Variants in MTCL1 observed in about 807,000 individuals in gnomAD.
MTCL1 encodes the protein microtubule cross-linking factor 1.
MTCL1 carries 79 observed loss-of-function variants against 141.4 expected under a neutral mutation model. The ratio of observed to expected loss-of-function variants is 0.56; its 90% CI spans 0.47 to 0.67. The LOEUF is 0.67. Ranked by LOEUF, MTCL1 falls within the 30% of genes least tolerant of loss-of-function variation. The pLI is 0.00. For synonymous variants in MTCL1, 914 were observed against 875.8 expected, an observed-to-expected ratio of 1.04 and a Z score of -0.77; for missense variants, 2,177 against 2,113.9, an observed-to-expected ratio of 1.03 and a Z score of -0.59.
rs375523319 is a variant in MTCL1, at chr18:8,819,065, C to T, written c.2962C>T (p.Arg988Cys). 62 of 1,614,146 alleles carry T rather than the reference C, an allele frequency of 3.8e-5. No homozygotes were observed. Among genetic ancestry groups the T allele is most frequent in the Admixed American group, 5.0e-5 (3 of 60,014 alleles). Residue 988 changes from arginine to cysteine, a missense_variant, in exon 13 of 17, where the codon CGT becomes TGT. Coordinates refer to ENST00000359865, the Ensembl canonical transcript of MTCL1. ...CCACCAGGGAAGCCTCCGCATGCCC[C>T]GTCCAGTGGCCATGTGGCCTTGTGC...
intron 4 of MTCL1, among the ~76,000 whole-genome samples, chr18:8,753,638 A>T (rs1304657783): frequency 6.6e-6 from 1 of 152,242 alleles, no homozygotes; most frequent in Non-Finnish European, 1.5e-5. Flanking sequence ...CAGCTGGGGA[A>T]CACTGAGCCT....
intron 12 of MTCL1, among the ~76,000 whole-genome samples, chr18:8,815,136 G>A (rs2076609088): frequency 1.3e-5 from 2 of 152,132 alleles, no homozygotes; most frequent in African/African-American, 2.4e-5. Context: ...ATACCGAAAG[G>A]ATTATAAATC....
At chr18:8,832,543 G>A (rs1023409130) in exon 17 of MTCL1, 5 of 152,222 alleles carry the variant, frequency 3.3e-5, no homozygotes, top group African/African-American at 1.2e-4. Context: ...AATATGTTGT[G>A]AATTTCCTTG....
chr18:8,780,177 TC>T (rs34953256), intron 5 of MTCL1, among the ~76,000 whole-genome samples: 2 of 152,218 alleles, frequency 1.3e-5, no homozygotes, highest in Non-Finnish European at 2.9e-5. Flanking sequence ...CCCTGAGCCT[TC>T]CTTGTCATAT....
intron 16 of MTCL1, chr18:8,829,961 GC>G (rs2077145246): frequency 1.0e-6 from 1 of 985,292 alleles, no homozygotes; most frequent in Non-Finnish European, 1.2e-6. Context: ...TAAAAAGCCT[GC>G]TCTTCAGCAC....
upstream of MTCL1, among the ~76,000 whole-genome samples, chr18:8,714,157 T>A (rs2096111881): frequency 6.6e-6 from 1 of 152,204 alleles, no homozygotes; most frequent in Non-Finnish European, 1.5e-5. Context: ...AAATAATTTA[T>A]GGTATTTACT....
chr18:8,777,097 G>C (rs1330858669), intron 4 of MTCL1, among the ~76,000 whole-genome samples: 1 of 152,170 alleles, frequency 6.6e-6, no homozygotes, highest in African/African-American at 2.4e-5. Context: ...TTAGCCAGGC[G>C]TGGTGGCAGG....
chr18:8,795,305 A>G (rs1262788666), intron 8 of MTCL1, among the ~76,000 whole-genome samples: 2 of 152,156 alleles, frequency 1.3e-5, no homozygotes, highest in Non-Finnish European at 2.9e-5. Context: ...TTTTTGGCAT[A>G]AGAGAGAGTG....
At chr18:8,804,864 G>A (rs575426393) in intron 10 of MTCL1, among the ~76,000 whole-genome samples, 3 of 151,956 alleles carry the variant, frequency 2.0e-5, no homozygotes, top group Admixed American at 1.3e-4. Flanking sequence ...GGCGGCACAC[G>A]CCTGTAGTCC....
chr18:8,817,734 TCC>T (rs2076705548), intron 12 of MTCL1, among the ~76,000 whole-genome samples: 1 of 152,212 alleles, frequency 6.6e-6, no homozygotes, highest in South Asian at 2.1e-4. Context: ...ATTTGGCCAC[TCC>T]TTCAGGTCAA....
intron 10 of MTCL1, chr18:8,801,931 ACT>A (rs2076136465): frequency 6.6e-6 from 1 of 151,846 alleles, no homozygotes. Flanking sequence ...TGTGTAAATG[ACT>A]CTAATTCCCA....
At chr18:8,805,412 A>G (rs1472560533) in intron 10 of MTCL1, among the ~76,000 whole-genome samples, 5 of 152,224 alleles carry the variant, frequency 3.3e-5, no homozygotes, top group African/African-American at 9.6e-5. Context: ...TCCAGCTGCA[A>G]CCATGTTGCT....
chr18:8,790,768 A>C (rs565424850), intron 7 of MTCL1, among the ~76,000 whole-genome samples: 2 of 152,334 alleles, frequency 1.3e-5, no homozygotes, highest in South Asian at 4.1e-4. Flanking sequence ...TAATCTCAGC[A>C]CTTTGGGAGG....
Position 8,810,317 on chromosome 18 carries a change from CTG to C in MTCL1, c.2605-2660_2605-2659del, listed in dbSNP as rs2076441692. 1 of 152,424 alleles carries C rather than the reference CTG, an allele frequency of 6.6e-6. No individual in the cohort carries two copies. Among genetic ancestry groups the C allele is most frequent in the African/African-American group, 2.4e-5 (1 of 41,430 alleles). 9.4% of individuals were successfully genotyped at this position (152,424 alleles called of 1,614,324 possible). On this transcript the variant is annotated intron_variant, in intron 11 of 16. Coordinates refer to ENST00000359865, the Ensembl canonical transcript of MTCL1. This position sits in a 1 kb window ranked among gnomAD's most constrained non-coding sequence, Gnocchi z 5.0. ...AGGAGCCGCGGAGTCATGGGGACGCCTGTCCAGTGAGACCTGACAGTGCAGGG... is the reference window on the plus strand; with the variant it reads ...AGGAGCCGCGGAGTCATGGGGACGCCTCCAGTGAGACCTGACAGTGCAGGG...
intron 4 of MTCL1, among the ~76,000 whole-genome samples, chr18:8,773,824 A>G (rs1214516191): frequency 6.6e-6 from 1 of 152,198 alleles, no homozygotes; most frequent in Non-Finnish European, 1.5e-5. Flanking sequence ...ATTGATTATT[A>G]AAATCTCATA....
At chr18:8,807,169 A>G in intron 11 of MTCL1, 109 bp downstream of exon 10, 1 of 1,192,456 alleles carries the variant, frequency 8.4e-7, no homozygotes, top group South Asian at 1.6e-5. Flanking sequence ...CTTCTTGTCC[A>G]GGAAAAAAAG....
At chr18:8,826,051 T>C in exon 15 of MTCL1, 1 of 1,611,988 alleles carries the variant, frequency 6.2e-7, no homozygotes. Context: ...GGCACGCCAG[T>C]GAAGCAGGAC....
Position 8,705,759 on chromosome 18 carries a change from C to T in MTCL1, c.99C>T (p.Ala33=), listed in dbSNP as rs2096056765. The change falls in exon 1 of 14, where the codon GCC becomes GCT. Residue 33 remains alanine (A), a synonymous_variant. Transcript: ENST00000306329. The surrounding 1 kb of genome is among the most constrained non-coding windows in gnomAD (Gnocchi z 5.2). ...GCCACCACCACCTCCACCCGGTGGC[C>T]GAAAGGCGGCGGCTGCACCGTGCGC... 1.7e-6 allele frequency: 2 copies of T among 1,201,916 alleles called. No homozygotes were observed. Among genetic ancestry groups the T allele is most frequent in the African/African-American group, 1.6e-5 (1 of 63,014 alleles). 74.5% of individuals were successfully genotyped at this position (1,201,916 alleles called of 1,614,324 possible).
intron 11 of MTCL1, among the ~76,000 whole-genome samples, chr18:8,808,644 T>C (rs2076381471): frequency 6.6e-6 from 1 of 152,246 alleles, no homozygotes; most frequent in Admixed American, 6.5e-5. Flanking sequence ...TTTACCCTCT[T>C]CTGCTTAAAT....
Sources: allele counts gnomAD v4.1 joint callset (sites outside exome capture counted in the v4.1 genomes callset), GRCh38; gene constraint gnomAD v4.1.1; non-coding constraint Gnocchi (gnomAD v3.1); transcripts MANE v1.5; gene names NCBI Gene and HGNC (gene_info 2026-07-23, HGNC 2026-07-21).